RCC2: variants seen among roughly 807,000 people sequenced by gnomAD.
RCC2 encodes protein RCC2.
A neutral mutation model predicts 64.1 loss-of-function variants in RCC2; 19 were observed. That is an observed-to-expected ratio of 0.30 (90% CI 0.21 to 0.44). The LOEUF is 0.44. Among genes scored for constraint, RCC2 ranks in the 20% least tolerant of loss-of-function variants. The pLI is 1.00. For synonymous variants in RCC2, 325 were observed against 279.6 expected (o/e 1.16, Z -1.62); for missense variants, 508 against 710.4 (o/e 0.72, Z 3.24).
Position 17,416,558 on chromosome 1 carries a change from A to C in RCC2, c.948T>G (p.Ile316Met), listed in dbSNP as rs768875780. The C allele has an allele frequency of 6.2e-7, 1 of 1,614,038 alleles. No individual in the cohort carries two copies. The highest frequency in any genetic ancestry group is 1.1e-5 in the South Asian group (1 of 91,066). Residue 316 changes from isoleucine (I) to methionine (M), a missense_variant, in exon 8 of 13, where the codon ATT becomes ATG. Physicochemically the swap from Ile to Met is conservative, Grantham distance 10. Coordinates refer to ENST00000375436, the MANE Select transcript of RCC2 (RefSeq NM_018715.4). Reference protein sequence around the residue: ...ELVPRRVAIFIEKTKDGQILP... With the variant: ...ELVPRRVAIFMEKTKDGQILP... ...GAATCTGTCCATCTTTCGTCTTCTC[A>C]ATGAAGATGGCCACTCGCCGGGGAA...
rs2075364952 is a variant in RCC2, at chr1:17,406,803, G to GAAAT, written c.*2283_*2286dup. On this transcript the variant is annotated 3_prime_UTR_variant, in exon 13 of 13. Coordinates refer to ENST00000375436, the MANE Select transcript of RCC2 (RefSeq NM_018715.4). ...TGTTTATTTAAAATGTTTACTCCAA[G>GAAAT]AAATATATATATAAAAAAAATAATA... The GAAAT allele has an allele frequency of 1.3e-5, 2 of 152,038 alleles. No homozygotes were observed. The highest frequency in any genetic ancestry group is 1.9e-4 in the East Asian group (1 of 5,194). The allele number at this position is 152,038 out of a possible 1,614,324, so 9.4% of individuals were successfully genotyped here. A position where few individuals can be genotyped will look rare whatever the true frequency, so the allele number is the denominator to read the frequency against.
chr1:17,438,007 C>G lies in RCC2; in HGVS notation c.285+223G>C, dbSNP rs1008654710. 2.6e-3 allele frequency among the ~76,000 whole-genome samples: 379 copies of G among 146,624 alleles called. 1 individual carries two copies. Among genetic ancestry groups the G allele is most frequent in the African/African-American group, 8.9e-3 (362 of 40,800 alleles). On this transcript the variant is annotated intron_variant, in intron 2 of 12. Coordinates refer to ENST00000375436, the MANE Select transcript of RCC2 (RefSeq NM_018715.4). ...GCGCGCCCCAACCGCCAACCGCCCG[C>G]GCGGTGCCCGGGGTCGGGTAGGCCG...
At chr1:17,417,798 T>C (rs1557624606) in intron 7 of RCC2, among the ~76,000 whole-genome samples, 1 of 152,226 alleles carries the variant, frequency 6.6e-6, no homozygotes, top group East Asian at 1.9e-4. Context: ...TATTGGTATG[T>C]GTGTTTTTGA....
rs56163231 is a variant in RCC2 at position 17,411,580 on chromosome 1, C to CAA, written c.1386+540_1386+541dup. The stretch of plus-strand genomic sequence containing the variant: ...CCTGGGTGACAGAGAAACTCCATCT[C>CAA]AAAAAAAAAAAAAAAAAAGACTCAC... On this transcript the variant is annotated intron_variant, in intron 11 of 12. Transcript: ENST00000375436. 6.2e-3 allele frequency among the ~76,000 whole-genome samples: 399 copies of CAA among 63,954 alleles called. 3 individuals are homozygous for CAA. Among genetic ancestry groups the CAA allele is most frequent in the African/African-American group, 0.019 (309 of 16,536 alleles). 42.0% of individuals were successfully genotyped at this position (63,954 alleles called of 152,430 possible).
intron 2 of RCC2, among the ~76,000 whole-genome samples, chr1:17,435,643 G>T (rs1340903389): frequency 6.6e-6 from 1 of 152,248 alleles, no homozygotes; most frequent in Non-Finnish European, 1.5e-5. Context: ...AAACTCAGTA[G>T]ATGCTAACAA....
chr1:17,409,379 C>CCAAT (rs1203155780), intron 12 of RCC2, among the ~76,000 whole-genome samples, 185 bp from the exon 13 acceptor site: 1 of 152,228 alleles, frequency 6.6e-6, no homozygotes, highest in Admixed American at 6.5e-5. Flanking sequence ...CAACGCTCTG[C>CCAAT]CAATCAGAGC....
At chr1:17,438,736 C>G (rs1261050680) in intron 1 of RCC2, among the ~76,000 whole-genome samples, 2 of 152,140 alleles carry the variant, frequency 1.3e-5, no homozygotes, top group Non-Finnish European at 2.9e-5. Context: ...GCAGGGCAGC[C>G]GGGAGCCCCA....
intron 7 of RCC2, among the ~76,000 whole-genome samples, chr1:17,417,286 C>T (rs957431437): frequency 1.3e-5 from 2 of 152,212 alleles, no homozygotes; most frequent in African/African-American, 2.4e-5. Flanking sequence ...CCTGAGAACA[C>T]GCCAGACACC....
At chr1:17,426,475 C>T (rs189673942) in intron 3 of RCC2, among the ~76,000 whole-genome samples, 64 of 152,276 alleles carry the variant, frequency 4.2e-4, no homozygotes, top group Middle Eastern at 3.4e-3. Flanking sequence ...TGGGGAAGCC[C>T]TCCAGGGCAA....
At chr1:17,409,496 C>T (rs571281712) in intron 12 of RCC2, among the ~76,000 whole-genome samples, 3 of 152,188 alleles carry the variant, frequency 2.0e-5, no homozygotes, top group Non-Finnish European at 4.4e-5. Context: ...CATCCCCCCC[C>T]TCTCTGGCTC....
At chr1:17,421,349 G>C (rs1447437949) in intron 6 of RCC2, among the ~76,000 whole-genome samples, 3 of 152,078 alleles carry the variant, frequency 2.0e-5, no homozygotes, top group Admixed American at 2.0e-4. Flanking sequence ...ACAAAAATTA[G>C]CCAGGCGTGG....
intron 1 of RCC2, 61 bp from the exon 2 acceptor site, chr1:17,438,583 G>A: frequency 1.6e-6 from 2 of 1,270,614 alleles, no homozygotes; most frequent in Non-Finnish European, 2.0e-6. Context: ...GCGGGGGGAG[G>A]GGAGCGGAGA....
At chr1:17,437,561 G>C (rs1245285006) in intron 2 of RCC2, among the ~76,000 whole-genome samples, 1 of 152,118 alleles carries the variant, frequency 6.6e-6, no homozygotes, top group South Asian at 2.1e-4. Flanking sequence ...ACTTGGGGGG[G>C]CTACAACAGA....
Position 17,410,010 on chromosome 1 carries a change from C to T in RCC2, c.1428G>A (p.Gln476=), listed in dbSNP as rs139019005. Residue 476 remains glutamine, a synonymous_variant, in exon 12 of 13, where the codon CAG becomes CAA. Transcript: ENST00000375436. Reference sequence around the variant, plus strand: ...AAATGCCATCCAGAGTCTTTACCTCCTGGGCTGCAGTGGAAGACTTGGGCT... The same window carrying T: ...AAATGCCATCCAGAGTCTTTACCTCTTGGGCTGCAGTGGAAGACTTGGGCT... ...DHKPKSSTAA[Q]EVKTLDGIFS... The T allele has an allele frequency of 2.8e-4, 454 of 1,613,960 alleles. No individual in the cohort carries two copies. The African/African-American group carries it at 5.1e-3, about 18-fold the overall frequency.
intron 2 of RCC2, among the ~76,000 whole-genome samples, chr1:17,431,360 ATATATATAT>A (rs1263180070): frequency 2.5e-4 from 5 of 20,054 alleles, no homozygotes; most frequent in African/African-American, 1.1e-3. Flanking sequence ...AAAAAAAAAA[ATATATATAT>A]ATATATATAT....
chr1:17,409,296 GAAA>G, intron 12 of RCC2, 102 bp from the exon 13 acceptor site: 1 of 762,934 alleles, frequency 1.3e-6, no homozygotes. Flanking sequence ...TCAGCATGGA[GAAA>G]AACAGAGTGC....
intron 4 of RCC2, among the ~76,000 whole-genome samples, chr1:17,425,307 G>T (rs978250449): frequency 6.6e-6 from 1 of 152,150 alleles, no homozygotes; most frequent in Non-Finnish European, 1.5e-5. Flanking sequence ...TAAACACAAG[G>T]AATCAAAGAA....
intron 2 of RCC2, among the ~76,000 whole-genome samples, chr1:17,431,353 AAAAAAAATATATAT>A (rs2075675424): frequency 2.1e-5 from 1 of 47,920 alleles, no homozygotes; most frequent in African/African-American, 8.8e-5. Flanking sequence ...AAAAAAAAAA[AAAAAAAATATATAT>A]ATATATATAT....
At chr1:17,416,367 A>C (rs1272737393) in intron 8 of RCC2, 113 bp downstream of exon 8, 2 of 1,196,112 alleles carry the variant, frequency 1.7e-6, no homozygotes, top group Admixed American at 2.4e-5. Flanking sequence ...AGAAGCAAGC[A>C]GATGTCTACC....
Sources: gnomAD v4.1 joint callset for allele counts (sites outside exome capture counted in the v4.1 genomes callset) on GRCh38, gnomAD v4.1.1 for gene constraint, MANE v1.5 for transcripts, NCBI Gene and HGNC (gene_info 2026-07-23, HGNC 2026-07-21) for gene names.